The following NCK2 variants were observed in gnomAD, a reference collection of about 807,000 sequenced individuals.
NCK2 encodes NCK adaptor protein 2.
NCK2 carries 16 observed loss-of-function variants against 33.9 expected under a neutral mutation model. The observed-to-expected ratio is 0.47, with a 90% CI of 0.32 to 0.72. The LOEUF is 0.72. Ranked by LOEUF, NCK2 falls within the 30% of genes least tolerant of loss-of-function variation. The probability of loss-of-function intolerance (pLI) is 0.03; values close to 1 mark genes in which losing one functional copy is unlikely to be tolerated. For missense variants in NCK2, 418 were observed against 537.3 expected (o/e 0.78, Z 2.19); for synonymous variants, 273 against 239.9 (o/e 1.14, Z -1.27).
intron 1 of NCK2, among the ~76,000 whole-genome samples, chr2:105,762,259 G>A (rs190690494): frequency 7.6e-4 from 116 of 152,298 alleles, no homozygotes; most frequent in Middle Eastern, 3.4e-3. Flanking sequence ...AGGCCTTGCC[G>A]AGGAAACAGG....
At chr2:105,771,082 C>T (rs553301512) in intron 1 of NCK2, among the ~76,000 whole-genome samples, 2 of 152,102 alleles carry the variant, frequency 1.3e-5, no homozygotes, top group Admixed American at 6.5e-5. Context: ...GCCACCATGC[C>T]CAGCTACTTT....
At chr2:105,801,613 A>G (rs972753125) in intron 1 of NCK2, among the ~76,000 whole-genome samples, 1 of 151,672 alleles carries the variant, frequency 6.6e-6, no homozygotes, top group Admixed American at 6.6e-5. Flanking sequence ...CTGCATCCGC[A>G]TTGTCTTGCT....
At chr2:105,785,881 G>A (rs1405835380) in intron 1 of NCK2, among the ~76,000 whole-genome samples, 1 of 152,136 alleles carries the variant, frequency 6.6e-6, no homozygotes, top group Non-Finnish European at 1.5e-5. Flanking sequence ...ATATCTAGTA[G>A]CAGTGCAATA....
intron 2 of NCK2, among the ~76,000 whole-genome samples, chr2:105,818,032 A>G (rs1375342232): frequency 6.6e-6 from 1 of 152,116 alleles, no homozygotes; most frequent in Non-Finnish European, 1.5e-5. Flanking sequence ...ACCAACCCAA[A>G]TGTCCAACAA....
intron 1 of NCK2, among the ~76,000 whole-genome samples, chr2:105,788,166 A>T (rs1476376994): frequency 6.6e-6 from 1 of 152,178 alleles, no homozygotes; most frequent in East Asian, 1.9e-4. Context: ...GAAGGAGGCC[A>T]ATTCTAGATA....
At chr2:105,824,479 A>G (rs1327087665) in intron 2 of NCK2, among the ~76,000 whole-genome samples, 1 of 152,238 alleles carries the variant, frequency 6.6e-6, no homozygotes, top group Non-Finnish European at 1.5e-5. Context: ...CAGAGACAGG[A>G]CTGTCTTCCC....
At position 105,893,848 on chromosome 2, in the gene NCK2, C is replaced by A. The variant is rs1335115079; in HGVS notation, c.*672C>A. 6.6e-6 allele frequency: 1 copy of A among 152,604 alleles called. No individual in the cohort carries two copies. Among genetic ancestry groups the A allele is most frequent in the African/African-American group, 2.4e-5 (1 of 41,432 alleles). 9.5% of individuals were successfully genotyped at this position (152,604 alleles called of 1,614,324 possible). On this transcript the variant is annotated 3_prime_UTR_variant, in exon 5 of 5. Transcript: ENST00000233154. ...ATCCACATAGTGCTTTTTCCTCTTG[C>A]CCTTCGGCTTGTTTGAATCTCACAA...
intron 2 of NCK2, among the ~76,000 whole-genome samples, chr2:105,845,616 A>G (rs1676828304): frequency 6.6e-6 from 1 of 151,882 alleles, no homozygotes; most frequent in Admixed American, 6.6e-5. Flanking sequence ...CTGGTCTCGA[A>G]CTCCTGACCT....
At chr2:105,799,010 G>A (rs367649163) in intron 1 of NCK2, among the ~76,000 whole-genome samples, 1 of 151,942 alleles carries the variant, frequency 6.6e-6, no homozygotes, top group African/African-American at 2.4e-5. Flanking sequence ...TCAGTTTGAA[G>A]GCCTTATATT....
At chr2:105,773,546 T>A (rs1349557063) in intron 1 of NCK2, among the ~76,000 whole-genome samples, 1 of 152,146 alleles carries the variant, frequency 6.6e-6, no homozygotes, top group Non-Finnish European at 1.5e-5. Flanking sequence ...TGCTTCATAC[T>A]TCATGTCTTT....
At chr2:105,872,764 G>A (rs1043741031) in intron 3 of NCK2, among the ~76,000 whole-genome samples, 3 of 152,220 alleles carry the variant, frequency 2.0e-5, no homozygotes, top group Non-Finnish European at 4.4e-5. Context: ...GGAGAGCATC[G>A]TGATCTGTTA....
At chr2:105,788,448 T>C (rs555289137) in intron 1 of NCK2, among the ~76,000 whole-genome samples, 1 of 152,332 alleles carries the variant, frequency 6.6e-6, no homozygotes, top group East Asian at 1.9e-4. Flanking sequence ...ATAGTCATAC[T>C]CTATCCAAAT....
At chr2:105,891,325 T>A (rs1678967446) in intron 4 of NCK2, among the ~76,000 whole-genome samples, 2 of 152,014 alleles carry the variant, frequency 1.3e-5, no homozygotes, top group Admixed American at 1.3e-4. Flanking sequence ...ACACCTCTAT[T>A]TATCTGTTCC....
chr2:105,893,516 A>G lies in NCK2; in HGVS notation c.*340A>G. ...CACCTGTGAGCGCAGGAGCGAGCCT[A>G]AGGCCACCCAGCGGCAGCGCCCGTG... On this transcript the variant is annotated 3_prime_UTR_variant, in exon 5 of 5. Transcript: ENST00000233154. 3.9e-6 allele frequency: 1 copy of G among 259,662 alleles called. No homozygotes were observed. Among genetic ancestry groups the G allele is most frequent in the South Asian group, 5.7e-5 (1 of 17,670 alleles). 16.1% of individuals were successfully genotyped at this position (259,662 alleles called of 1,614,324 possible). A position where few individuals can be genotyped will look rare whatever the true frequency, so the allele number is the denominator to read the frequency against.
chr2:105,880,070 G>A (rs115585075), intron 3 of NCK2, among the ~76,000 whole-genome samples: 1,620 of 152,224 alleles, frequency 0.011, 24 homozygotes, highest in African/African-American at 0.037. Flanking sequence ...CCGGAATTCC[G>A]TGCATTTTAA....
At chr2:105,754,681 T>C (rs1207584878) in intron 1 of NCK2, among the ~76,000 whole-genome samples, 4 of 150,924 alleles carry the variant, frequency 2.7e-5, no homozygotes, top group African/African-American at 9.7e-5. Flanking sequence ...CCAACAACTT[T>C]TTTTTTTTTT....
chr2:105,818,276 T>C (rs1675574866), intron 2 of NCK2, among the ~76,000 whole-genome samples: 1 of 29,806 alleles, frequency 3.4e-5, no homozygotes, highest in African/African-American at 1.5e-4. Context: ...TGGGGCCTGT[T>C]TTGGGGTGGG....
At chr2:105,838,204 A>G (rs1277621431) in intron 2 of NCK2, among the ~76,000 whole-genome samples, 3 of 152,022 alleles carry the variant, frequency 2.0e-5, no homozygotes, top group Admixed American at 2.0e-4. Flanking sequence ...CGAAAGGGCT[A>G]TATGCATTTT....
At chr2:105,794,088 G>A (rs1416844579) in intron 1 of NCK2, among the ~76,000 whole-genome samples, 6 of 126,454 alleles carry the variant, frequency 4.7e-5, no homozygotes, top group Admixed American at 9.7e-5. Context: ...TTGCTCTGTC[G>A]CCCAGGCTGG....
Sources: allele counts gnomAD v4.1 joint callset (sites outside exome capture counted in the v4.1 genomes callset), GRCh38; gene constraint gnomAD v4.1.1; transcripts MANE v1.5; gene names NCBI Gene and HGNC (gene_info 2026-07-23, HGNC 2026-07-21).